Variants in CHRM3 observed in about 807,000 individuals in gnomAD.
CHRM3 encodes cholinergic receptor muscarinic 3.
A neutral mutation model predicts 41.8 loss-of-function variants in CHRM3; 11 were observed. The observed-to-expected ratio is 0.26, with a 90% CI of 0.17 to 0.44. The LOEUF is 0.44. CHRM3 is among the 20% of genes least tolerant of loss of function. The probability of loss-of-function intolerance (pLI) is 1.00; values close to 1 mark genes in which losing one functional copy is unlikely to be tolerated. For missense variants in CHRM3, 571 were observed against 745.4 expected (o/e 0.77, Z 2.72); for synonymous variants, 297 against 301.4 (o/e 0.99, Z 0.15).
chr1:239,590,784 A>G (rs1036992219), intron 3 of CHRM3, among the ~76,000 whole-genome samples: 35 of 152,338 alleles, frequency 2.3e-4, no homozygotes, highest in African/African-American at 8.2e-4. Context: ...AAGAGATTAA[A>G]TATAACAGGA....
intron 1 of CHRM3, among the ~76,000 whole-genome samples, chr1:239,477,239 A>G (rs916294785): frequency 2.0e-5 from 3 of 152,210 alleles, no homozygotes; most frequent in Admixed American, 6.5e-5. Context: ...TGAGTTTTCA[A>G]TTCTAAAATT....
chr1:239,871,695 G>A (rs1226714962), intron 6 of CHRM3, among the ~76,000 whole-genome samples: 1 of 151,916 alleles, frequency 6.6e-6, no homozygotes, highest in African/African-American at 2.4e-5. Flanking sequence ...TTTTGTATAG[G>A]TACATGCAGT....
intron 3 of CHRM3, among the ~76,000 whole-genome samples, chr1:239,560,336 A>C (rs2148486035): frequency 6.6e-6 from 1 of 152,220 alleles, no homozygotes; most frequent in African/African-American, 2.4e-5. Flanking sequence ...ATGGTCATTA[A>C]TTTTTCCATA....
intron 3 of CHRM3, among the ~76,000 whole-genome samples, chr1:239,590,351 A>T (rs1188637786): frequency 6.6e-6 from 1 of 152,248 alleles, no homozygotes; most frequent in Non-Finnish European, 1.5e-5. Context: ...ATAAGATATG[A>T]TTCATGTCCT....
intron 4 of CHRM3, among the ~76,000 whole-genome samples, chr1:239,674,750 C>T (rs1216586551): frequency 6.6e-6 from 1 of 150,736 alleles, no homozygotes; most frequent in African/African-American, 2.4e-5. Flanking sequence ...ACTTAAGTAT[C>T]AGACAAGCAA....
At chr1:239,763,536 A>C (rs1426863004) in intron 5 of CHRM3, among the ~76,000 whole-genome samples, 2 of 152,202 alleles carry the variant, frequency 1.3e-5, no homozygotes, top group African/African-American at 4.8e-5. Context: ...ACTATGTAGA[A>C]CAAATAGTAA....
At chr1:239,525,346 G>GA (rs11447144) in intron 2 of CHRM3, among the ~76,000 whole-genome samples, 70,329 of 151,964 alleles carry the variant, frequency 0.46, 17,076 homozygotes, top group Middle Eastern at 0.63. Flanking sequence ...CCCCAAAAAA[G>GA]AAAAAATCCA....
At chr1:239,476,612 T>C (rs952814395) in intron 1 of CHRM3, among the ~76,000 whole-genome samples, 1 of 152,172 alleles carries the variant, frequency 6.6e-6, no homozygotes, top group African/African-American at 2.4e-5. Flanking sequence ...TTGAAATGTG[T>C]CAGTGAAGAT....
chr1:239,519,469 G>A (rs189963605), intron 2 of CHRM3, among the ~76,000 whole-genome samples: 1 of 152,114 alleles, frequency 6.6e-6, no homozygotes, highest in East Asian at 1.9e-4. Flanking sequence ...ATAGAAATCT[G>A]GTTTTCTATG....
intron 2 of CHRM3, among the ~76,000 whole-genome samples, chr1:239,519,376 A>T (rs952086845): frequency 6.6e-6 from 1 of 152,208 alleles, no homozygotes; most frequent in African/African-American, 2.4e-5. Context: ...CCTTTATGAG[A>T]CGTACCAAAT....
At chr1:239,546,833 A>C (rs1359512414) in intron 3 of CHRM3, among the ~76,000 whole-genome samples, 1 of 152,140 alleles carries the variant, frequency 6.6e-6, no homozygotes, top group Non-Finnish European at 1.5e-5. Context: ...ACAATGTAGG[A>C]ATTTGGTGAG....
intron 3 of CHRM3, among the ~76,000 whole-genome samples, chr1:239,555,687 A>G (rs1660284624): frequency 6.6e-6 from 1 of 152,224 alleles, no homozygotes; most frequent in East Asian, 1.9e-4. Context: ...GTAGGTATAA[A>G]TATGATTAAA....
chr1:239,807,127 T>C (rs1670721659), intron 5 of CHRM3, among the ~76,000 whole-genome samples: 1 of 152,240 alleles, frequency 6.6e-6, no homozygotes, highest in South Asian at 2.1e-4. Flanking sequence ...CAGGTTTTGA[T>C]TGTGAACACA....
chr1:239,454,486 T>TA (rs1302106919), intron 1 of CHRM3, among the ~76,000 whole-genome samples: 2 of 151,952 alleles, frequency 1.3e-5, no homozygotes, highest in African/African-American at 2.4e-5. Flanking sequence ...CTTTTTTTTT[T>TA]ATGGAGGCTT....
intron 2 of CHRM3, among the ~76,000 whole-genome samples, chr1:239,512,005 G>A (rs942563880): frequency 6.6e-6 from 1 of 152,126 alleles, no homozygotes; most frequent in Admixed American, 6.5e-5. Flanking sequence ...TGAATGGGGA[G>A]GATGAGGGTT....
intron 2 of CHRM3, among the ~76,000 whole-genome samples, chr1:239,496,377 A>G (rs1331372348): frequency 6.6e-6 from 1 of 152,076 alleles, no homozygotes; most frequent in African/African-American, 2.4e-5. Context: ...AAGTTTCCTC[A>G]TTTGTTAAAT....
rs181692456 is a variant in CHRM3, at chr1:239,529,597, G to A, written c.-421-16044G>A. Among the ~76,000 whole-genome samples the A allele has an allele frequency of 3.5e-5, 4 of 115,292 alleles. No individual in the cohort carries two copies. The Admixed American group carries it at 4.7e-4, about 13-fold the overall frequency. The allele number at this position is 115,292 out of a possible 152,430, so 75.6% of individuals were successfully genotyped here. ...GCTGCACTCTAGCCTGGGTGACAGAGAGACTCCGTCTCAAAAAAAAAAAAA... is the reference window on the plus strand; with the variant it reads ...GCTGCACTCTAGCCTGGGTGACAGAAAGACTCCGTCTCAAAAAAAAAAAAA... On this transcript the variant is annotated intron_variant, in intron 2 of 6. Coordinates refer to ENST00000676153, the MANE Select transcript of CHRM3 (RefSeq NM_001375978.1).
At chr1:239,877,084 CTT>C (rs1677166802) in intron 6 of CHRM3, among the ~76,000 whole-genome samples, 1 of 152,186 alleles carries the variant, frequency 6.6e-6, no homozygotes. Flanking sequence ...CCATCTCTCT[CTT>C]TTTCTGAAAC....
chr1:239,434,814 G>T (rs1363804654), intron 1 of CHRM3, among the ~76,000 whole-genome samples: 5 of 152,104 alleles, frequency 3.3e-5, no homozygotes, highest in Non-Finnish European at 4.4e-5. Context: ...ATAGGAGGGA[G>T]GGATTGAGAT....
Sources: allele counts gnomAD v4.1 joint callset (sites outside exome capture counted in the v4.1 genomes callset), GRCh38; gene constraint gnomAD v4.1.1; transcripts MANE v1.5; gene names NCBI Gene and HGNC (gene_info 2026-07-23, HGNC 2026-07-21).